The following MFAP3 variants were observed in gnomAD, a reference collection of about 807,000 sequenced individuals.
MFAP3 encodes microfibril-associated glycoprotein 3.
Under a neutral mutation model 20.5 loss-of-function variants are expected in MFAP3, and 8 were observed. That is an observed-to-expected ratio of 0.39 (90% CI 0.23 to 0.70). The LOEUF (loss-of-function observed/expected upper bound fraction) is 0.70, where lower values mean the gene tolerates loss of function less well. Among genes scored for constraint, MFAP3 ranks in the 30% least tolerant of loss-of-function variants. The pLI, the probability that MFAP3 is intolerant of heterozygous loss-of-function variation, is 0.44. For missense variants in MFAP3, 398 were observed against 444.6 expected (o/e 0.90, Z 0.94); for synonymous variants, 140 against 154.0 (o/e 0.91, Z 0.67).
At chr5:154,042,629 G>A (rs565868561) in intron 1 of MFAP3, among the ~76,000 whole-genome samples, 1 of 152,132 alleles carries the variant, frequency 6.6e-6, no homozygotes, top group African/African-American at 2.4e-5. Flanking sequence ...GTAGGGTAGT[G>A]CTAACAACCT....
intron 2 of MFAP3, among the ~76,000 whole-genome samples, chr5:154,050,940 G>T (rs994612789): frequency 6.6e-6 from 1 of 151,988 alleles, no homozygotes; most frequent in African/African-American, 2.4e-5. Flanking sequence ...AAATTTTTTT[G>T]TTAGGAAGAT....
In MFAP3 at chr5:154,055,316, C is replaced by G. The variant is rs1009737600; in HGVS notation, c.*1603C>G. On this transcript the variant is annotated 3_prime_UTR_variant, in exon 3 of 3. Transcript: ENST00000522782. ...GCGTGACGGGATAAAACTCATGCCT[C>G]CCTTTGTCCAGGCTTATCAGAAGTA... 2.6e-5 allele frequency among the ~76,000 whole-genome samples: 4 copies of G among 152,150 alleles called. No homozygotes were observed. Among genetic ancestry groups the G allele is most frequent in the African/African-American group, 9.7e-5 (4 of 41,420 alleles).
At chr5:154,043,224 A>C (rs1452797035) in intron 1 of MFAP3, among the ~76,000 whole-genome samples, 1 of 152,204 alleles carries the variant, frequency 6.6e-6, no homozygotes, top group Non-Finnish European at 1.5e-5. Flanking sequence ...TCTTACACTT[A>C]TCTATTACAT....
At position 154,053,330 on chromosome 5, in the gene MFAP3, G is replaced by A; in HGVS notation, c.706G>A (p.Ala236Thr). Residue 236 changes from alanine to threonine, a missense_variant, in exon 3 of 3, where the codon GCA becomes ACA. By Grantham distance (58) the Ala-to-Thr change is moderately conservative (BLOSUM62 0). Coordinates refer to ENST00000522782, the MANE Select transcript of MFAP3 (RefSeq NM_005927.5). ...GTTTGCTCGTTATATTGAAGAACTG[G>A]CAAGAAGTGTCCCTCTTCCACCTCT... Reference protein sequence around the residue: ...MEFARYIEELARSVPLPPLIL... With the variant: ...MEFARYIEELTRSVPLPPLIL... The A allele has an allele frequency of 6.2e-7, 1 of 1,614,062 alleles. No individual in the cohort carries two copies. Among genetic ancestry groups the A allele is most frequent in the Non-Finnish European group, 8.5e-7 (1 of 1,179,956 alleles).
At chr5:154,046,870 T>C (rs1773081350) in intron 1 of MFAP3, among the ~76,000 whole-genome samples, 1 of 152,158 alleles carries the variant, frequency 6.6e-6, no homozygotes, top group Non-Finnish European at 1.5e-5. Flanking sequence ...TTTGAGCCTC[T>C]CAGTTGTTTG....
chr5:154,051,696 A>G (rs776033629), intron 2 of MFAP3: 7 of 152,146 alleles, frequency 4.6e-5, no homozygotes, highest in Non-Finnish European at 8.8e-5. Context: ...CTCTTTTTGT[A>G]TTAGTGAAGT....
At chr5:154,050,137 T>A (rs1773154796) in intron 2 of MFAP3, 120 bp downstream of exon 2, 1 of 1,089,032 alleles carries the variant, frequency 9.2e-7, no homozygotes, top group African/African-American at 1.6e-5. Context: ...TTTAAAACAT[T>A]TGAAAGGTCT....
intron 1 of MFAP3, among the ~76,000 whole-genome samples, chr5:154,043,022 G>C (rs1035511023): frequency 9.9e-5 from 15 of 152,108 alleles, no homozygotes; most frequent in African/African-American, 3.4e-4. Flanking sequence ...CTCAGAAGTT[G>C]GCAGGAACGG....
chr5:154,040,264 T>C (rs1454244203), intron 1 of MFAP3, among the ~76,000 whole-genome samples: 2 of 152,250 alleles, frequency 1.3e-5, no homozygotes, highest in African/African-American at 4.8e-5. Context: ...ACAAAGGTTA[T>C]TCATTTTAAA....
At chr5:154,039,985 A>G (rs886437008) in intron 1 of MFAP3, among the ~76,000 whole-genome samples, 1 of 152,326 alleles carries the variant, frequency 6.6e-6, no homozygotes, top group African/African-American at 2.4e-5. Flanking sequence ...TAAAATTCCA[A>G]AAAACAACAA....
chr5:154,049,774 G>A lies in MFAP3; in HGVS notation c.52G>A (p.Ala18Thr), dbSNP rs778065048. ...TTTAGTGGCAAGTATTATTGTGCCA[G>A]CTGCTTTTGTTTTGGAAGATGTGGA... ...FTLVASIIVP[A>T]AFVLEDVDFD... The change falls in exon 2 of 3, where the codon GCT becomes ACT. Residue 18 changes from alanine (A) to threonine (T), a missense_variant. Ala to Thr is a moderately conservative substitution (Grantham distance 58). Transcript: ENST00000522782. 6.2e-7 allele frequency: 1 copy of A among 1,613,642 alleles called. No individual in the cohort carries two copies. Among genetic ancestry groups the A allele is most frequent in the Non-Finnish European group, 8.5e-7 (1 of 1,179,688 alleles).
At chr5:154,051,241 G>C (rs1053483554) in intron 2 of MFAP3, among the ~76,000 whole-genome samples, 1 of 152,136 alleles carries the variant, frequency 6.6e-6, no homozygotes, top group African/African-American at 2.4e-5. Flanking sequence ...TGGGCTCTAC[G>C]ATATCCTGAC....
chr5:154,040,503 G>A (rs2113551541), intron 1 of MFAP3, among the ~76,000 whole-genome samples: 1 of 152,296 alleles, frequency 6.6e-6, no homozygotes, highest in Non-Finnish European at 1.5e-5. Context: ...GAGTGAAAAA[G>A]GGATATGTCC....
chr5:154,050,399 G>T (rs571888245), intron 2 of MFAP3, among the ~76,000 whole-genome samples: 1 of 152,120 alleles, frequency 6.6e-6, no homozygotes, highest in Admixed American at 6.6e-5. Flanking sequence ...GTACAGTGTG[G>T]TGGCCCTGTG....
At chr5:154,045,051 C>G (rs1773046129) in intron 1 of MFAP3, among the ~76,000 whole-genome samples, 2 of 151,956 alleles carry the variant, frequency 1.3e-5, no homozygotes, top group South Asian at 4.1e-4. Flanking sequence ...TCTTCCCACT[C>G]TCTCCCTTCC....
intron 1 of MFAP3, among the ~76,000 whole-genome samples, chr5:154,042,250 C>G (rs1772971455): frequency 6.6e-6 from 1 of 152,164 alleles, no homozygotes; most frequent in African/African-American, 2.4e-5. Flanking sequence ...AAGCCTGTTT[C>G]ATTGATGTTT....
chr5:154,049,913 A>G lies in MFAP3; in HGVS notation c.191A>G (p.Lys64Arg), dbSNP rs377593609. 1.2e-4 allele frequency: 192 copies of G among 1,613,566 alleles called. No individual in the cohort carries two copies. Among genetic ancestry groups the G allele is most frequent in the Non-Finnish European group, 1.6e-4 (184 of 1,179,704 alleles). The change falls in exon 2 of 3, where the codon AAA (lysine) becomes AGA (arginine). Residue 64 changes from lysine to arginine, a missense_variant. Lys to Arg is a conservative substitution (Grantham distance 26, BLOSUM62 2). Coordinates refer to ENST00000522782, the MANE Select transcript of MFAP3 (RefSeq NM_005927.5). ...SHSDDDVIIA[K>R]EGTSVSIECL... ...TCGGATGATGATGTCATCATAGCCA[A>G]AGAGGGAACTAGCGTTTCAATTGAG...
At chr5:154,046,687 G>A (rs1302748551) in intron 1 of MFAP3, among the ~76,000 whole-genome samples, 2 of 152,312 alleles carry the variant, frequency 1.3e-5, no homozygotes, top group South Asian at 2.1e-4. Context: ...CCTTGTGTTG[G>A]TGAGGACACT....
chr5:154,047,795 GTT>G (rs2113561059), intron 1 of MFAP3, among the ~76,000 whole-genome samples: 1 of 152,306 alleles, frequency 6.6e-6, no homozygotes, highest in East Asian at 1.9e-4. Context: ...AATGAATGAA[GTT>G]TGGGAAGTGC....
Sources: gnomAD v4.1 joint callset for allele counts (sites outside exome capture counted in the v4.1 genomes callset) on GRCh38, gnomAD v4.1.1 for gene constraint, MANE v1.5 for transcripts, NCBI Gene and HGNC (gene_info 2026-07-23, HGNC 2026-07-21) for gene names.